Variants in ST7 observed in about 807,000 individuals in gnomAD.
ST7 encodes suppression of tumorigenicity 7.
ST7 carries 28 observed loss-of-function variants against 78.7 expected under a neutral mutation model. That is an observed-to-expected ratio of 0.36 (90% confidence interval 0.26 to 0.49). The LOEUF (loss-of-function observed/expected upper bound fraction) is 0.49, where lower values mean the gene tolerates loss of function less well. Ranked by LOEUF, ST7 falls within the 20% of genes least tolerant of loss-of-function variation. The pLI is 0.99. For missense variants in ST7, 418 were observed against 696.0 expected (o/e 0.60, Z 4.49); for synonymous variants, 247 against 249.6 (o/e 0.99, Z 0.10).
chr7:117,222,092 G>T (rs745964016), intron 15 of ST7, 30 bp downstream of exon 15: 3 of 1,582,098 alleles, frequency 1.9e-6, no homozygotes, highest in Non-Finnish European at 1.7e-6. Context: ...GAGGCCTTGG[G>T]GAATGGATGG....
At chr7:117,061,437 A>G (rs537509438) in intron 1 of ST7, among the ~76,000 whole-genome samples, 2 of 152,208 alleles carry the variant, frequency 1.3e-5, no homozygotes, top group East Asian at 3.8e-4. Flanking sequence ...GGGGAGGGGT[A>G]GTAGGAATAA....
intron 1 of ST7, among the ~76,000 whole-genome samples, chr7:117,027,623 C>G (rs1011501788): frequency 6.6e-6 from 1 of 152,074 alleles, no homozygotes; most frequent in Admixed American, 6.6e-5. Context: ...TGGCCCATAC[C>G]TGTAATCTCA....
chr7:117,063,638 G>C (rs1248618353), intron 1 of ST7, among the ~76,000 whole-genome samples: 1 of 152,190 alleles, frequency 6.6e-6, no homozygotes, highest in African/African-American at 2.4e-5. Flanking sequence ...GAGCCTGGGA[G>C]GGTGAGGCTG....
At position 117,215,552 on chromosome 7, in the gene ST7, C is replaced by G. The variant is rs1792625428; in HGVS notation, c.1406-3532C>G. Among the ~76,000 whole-genome samples, 3 of 152,298 alleles carry G rather than the reference C, an allele frequency of 2.0e-5. No homozygotes were observed. In the South Asian group the frequency reaches 6.2e-4, roughly 32 times the overall value. On this transcript the variant is annotated intron_variant, in intron 13 of 15. Transcript: ENST00000323984. ...TAGTTCCTTTACCAGCCTTTTGAGG[C>G]CTGTGGTATTCTCATTTTACAGATG...
At chr7:117,124,900 T>C (rs1021894030) in intron 3 of ST7, among the ~76,000 whole-genome samples, 1 of 152,170 alleles carries the variant, frequency 6.6e-6, no homozygotes, top group Non-Finnish European at 1.5e-5. Flanking sequence ...CTTGGAGGTA[T>C]GGCTTTGTGG....
At chr7:117,085,756 G>T (rs940873795) in intron 1 of ST7, among the ~76,000 whole-genome samples, 1 of 152,092 alleles carries the variant, frequency 6.6e-6, no homozygotes, top group Non-Finnish European at 1.5e-5. Flanking sequence ...TGTAGAAAGT[G>T]TTTTGTTAAA....
At chr7:117,157,425 A>T (rs1038442339) in intron 9 of ST7, among the ~76,000 whole-genome samples, 3 of 152,184 alleles carry the variant, frequency 2.0e-5, no homozygotes, top group Non-Finnish European at 4.4e-5. Flanking sequence ...AGCAAAGAGA[A>T]TGTTAGAAGG....
chr7:117,041,677 C>T (rs898187059), intron 1 of ST7, among the ~76,000 whole-genome samples: 6 of 152,094 alleles, frequency 3.9e-5, no homozygotes, highest in East Asian at 1.9e-4. Context: ...GCATATTTTG[C>T]CTTAAAGAAA....
chr7:117,195,477 TA>T (rs1172033249), intron 12 of ST7, among the ~76,000 whole-genome samples: 1 of 152,148 alleles, frequency 6.6e-6, no homozygotes, highest in East Asian at 1.9e-4. Context: ...ATGCTGCAAA[TA>T]AAGACATACT....
At chr7:117,141,452 G>A (rs867973309) in intron 9 of ST7, among the ~76,000 whole-genome samples, 15 of 152,218 alleles carry the variant, frequency 9.9e-5, no homozygotes, top group African/African-American at 2.6e-4. Flanking sequence ...AGGTAAACAC[G>A]TCGACTCCTT....
At chr7:117,008,021 T>A (rs568715748) in intron 1 of ST7, among the ~76,000 whole-genome samples, 1 of 152,164 alleles carries the variant, frequency 6.6e-6, no homozygotes, top group East Asian at 1.9e-4. Flanking sequence ...GTTGTCTTGA[T>A]TAGAAATATA....
chr7:117,057,260 A>G (rs745697974), intron 1 of ST7, among the ~76,000 whole-genome samples: 25 of 152,208 alleles, frequency 1.6e-4, no homozygotes, highest in Non-Finnish European at 3.4e-4. Flanking sequence ...TATTCTTCAT[A>G]TATCTGAAAG....
At chr7:117,200,438 C>A (rs193580) in intron 12 of ST7, among the ~76,000 whole-genome samples, 103,229 of 152,028 alleles carry the variant, frequency 0.68, 35,424 homozygotes, top group East Asian at 0.92. Flanking sequence ...AGCATGTCCA[C>A]GTGCTGTAGA....
intron 10 of ST7, chr7:117,173,554 C>A (rs1456495202): frequency 6.6e-6 from 1 of 152,166 alleles, no homozygotes; most frequent in Non-Finnish European, 1.5e-5. Flanking sequence ...CTTATCTGGC[C>A]CTGGGCGAGG....
chr7:117,017,094 G>A (rs1002393683), intron 1 of ST7, among the ~76,000 whole-genome samples: 5 of 152,168 alleles, frequency 3.3e-5, no homozygotes, highest in Admixed American at 2.0e-4. Flanking sequence ...TAACCATGTG[G>A]TTTTTTCAGG....
chr7:117,049,310 G>A (rs1300235592), intron 1 of ST7, among the ~76,000 whole-genome samples: 1 of 152,166 alleles, frequency 6.6e-6, no homozygotes, highest in African/African-American at 2.4e-5. Flanking sequence ...ACCTGTTCAG[G>A]TAGGTATCCT....
chr7:116,972,984 A>G, intron 1 of ST7: 2 of 781,496 alleles, frequency 2.6e-6, no homozygotes, highest in Non-Finnish European at 4.4e-6. Flanking sequence ...CCTCTCCCTC[A>G]CCCATTTGTT....
At chr7:117,005,487 AT>A (rs1795119330) in intron 1 of ST7, among the ~76,000 whole-genome samples, 1 of 152,198 alleles carries the variant, frequency 6.6e-6, no homozygotes, top group Non-Finnish European at 1.5e-5. Flanking sequence ...TAATGTAAAA[AT>A]ATTTCCAATT....
At chr7:117,074,011 T>G (rs1048218680) in intron 1 of ST7, 1 of 152,172 alleles carries the variant, frequency 6.6e-6, no homozygotes, top group African/African-American at 2.4e-5. Flanking sequence ...AAGAAAAAAA[T>G]TACACTAGTC....
Sources: allele counts gnomAD v4.1 joint callset (sites outside exome capture counted in the v4.1 genomes callset), GRCh38; gene constraint gnomAD v4.1.1; transcripts MANE v1.5; gene names NCBI Gene and HGNC (gene_info 2026-07-23, HGNC 2026-07-21).